Variants in CSTL1 observed in about 807,000 individuals in gnomAD.
The protein encoded by CSTL1 is cystatin like 1.
Under a neutral mutation model 14.4 loss-of-function variants are expected in CSTL1, and 14 were observed. That is an observed-to-expected ratio of 0.97 (90% CI 0.64 to 1.52). The LOEUF is 1.52. Ranked by LOEUF, CSTL1 falls within the 40% of genes most tolerant of loss-of-function variation. The probability of loss-of-function intolerance (pLI) is 0.00; values close to 1 mark genes in which losing one functional copy is unlikely to be tolerated. For synonymous variants in CSTL1, 72 were observed against 67.5 expected, an observed-to-expected ratio of 1.07 and a Z score of -0.33; for missense variants, 170 against 168.7, an observed-to-expected ratio of 1.01 and a Z score of -0.04.
downstream of CSTL1, chr20:23,444,977 A>G (rs921292377): frequency 5.2e-5 from 41 of 792,618 alleles, no homozygotes; most frequent in Middle Eastern, 1.7e-3. Context: ...ACACACATGC[A>G]CACACAGAGT....
chr20:23,443,770 C>T (rs1025612446), intron 2 of CSTL1, among the ~76,000 whole-genome samples, 164 bp from the exon 3 acceptor site: 1 of 152,188 alleles, frequency 6.6e-6, no homozygotes, highest in Non-Finnish European at 1.5e-5. Flanking sequence ...ATTGCCCTCC[C>T]TCCAGCCAGA....
chr20:23,457,629 G>A, the CSTL1 span: 1 of 151,960 alleles, frequency 6.6e-6, no homozygotes, highest in Non-Finnish European at 1.5e-5. Context: ...AAGAACAAAG[G>A]AATCTGTAAC....
the CSTL1 span, chr20:23,451,977 T>C: frequency 7.3e-7 from 1 of 1,368,830 alleles, no homozygotes; most frequent in Non-Finnish European, 1.0e-6. Flanking sequence ...CTGTCTGCGG[T>C]TTCTGTGCCT....
downstream of CSTL1, among the ~76,000 whole-genome samples, chr20:23,447,903 C>T (rs182239754): frequency 1.5e-4 from 23 of 152,250 alleles, no homozygotes; most frequent in African/African-American, 5.3e-4. Context: ...ATGTTACTTA[C>T]TTATCGATTT....
the CSTL1 span, among the ~76,000 whole-genome samples, chr20:23,456,507 GCTCCCAA>G: frequency 6.6e-6 from 1 of 152,108 alleles, no homozygotes; most frequent in African/African-American, 2.4e-5. Context: ...CAGCTGCTGT[GCTCCCAA>G]GCCTTGGCAG....
the CSTL1 span, chr20:23,457,768 C>T: frequency 1.3e-5 from 2 of 152,124 alleles, no homozygotes; most frequent in Admixed American, 6.5e-5. Flanking sequence ...AGAGGTGACT[C>T]CCATATAGTT....
Position 23,443,983 on chromosome 20 carries a change from A to G in CSTL1, c.269A>G (p.Lys90Arg), listed in dbSNP as rs1373766451. 1 of 1,614,204 alleles carries G rather than the reference A, an allele frequency of 6.2e-7. No homozygotes were observed. The highest frequency in any genetic ancestry group is 1.3e-5 in the African/African-American group (1 of 75,074). ...GTCACTGTGAAGATTGGCTGGACCAAATGCAAGAGGAATGACACGAGCAAT... is the reference window on the plus strand; with the variant it reads ...GTCACTGTGAAGATTGGCTGGACCAGATGCAAGAGGAATGACACGAGCAAT... ...YIVTVKIGWTKCKRNDTSNSS... is the reference protein window; with the variant it reads ...YIVTVKIGWTRCKRNDTSNSS... The change falls in exon 3 of 4, where the codon AAA (lysine) becomes AGA (arginine). Residue 90 changes from lysine (K) to arginine (R), a missense_variant. Physicochemically the swap from Lys to Arg is conservative, Grantham distance 26. Transcript: ENST00000347397.
At chr20:23,452,938 TC>T in the CSTL1 span, 1 of 651,628 alleles carries the variant, frequency 1.5e-6, no homozygotes, top group Non-Finnish European at 2.6e-6. Context: ...AGCTCTCCTC[TC>T]CTCCTCCTCC....
At chr20:23,447,465 T>TC, downstream of CSTL1, among the ~76,000 whole-genome samples, 2 of 145,586 alleles carry the variant, frequency 1.4e-5, no homozygotes, top group African/African-American at 5.6e-5. Context: ...TCTTTTCTTT[T>TC]TCTTTTTTTT....
At chr20:23,443,473 G>T (rs1048031744) in intron 2 of CSTL1, among the ~76,000 whole-genome samples, 1 of 151,522 alleles carries the variant, frequency 6.6e-6, no homozygotes, top group African/African-American at 2.4e-5. Context: ...AAATCAATTC[G>T]ATTCCAAAAC....
intron 3 of CSTL1, 43 bp from the exon 4 acceptor site, chr20:23,444,728 A>G: frequency 7.1e-7 from 1 of 1,413,538 alleles, no homozygotes; most frequent in Non-Finnish European, 1.0e-6. Context: ...CTTGCCTTTG[A>G]AAAATACTTC....
intron 2 of CSTL1, chr20:23,442,135 T>A (rs1461422598): frequency 2.0e-5 from 3 of 152,324 alleles, no homozygotes; most frequent in African/African-American, 4.8e-5. Flanking sequence ...GAGCATTTGA[T>A]GTCATTCACA....
chr20:23,451,318 G>A, the CSTL1 span, among the ~76,000 whole-genome samples: 1 of 152,116 alleles, frequency 6.6e-6, no homozygotes, highest in Admixed American at 6.6e-5. Context: ...CAGAGCACAC[G>A]CATGCAAGTT....
chr20:23,456,215 T>A, the CSTL1 span, among the ~76,000 whole-genome samples: 1 of 152,242 alleles, frequency 6.6e-6, no homozygotes, highest in Admixed American at 6.5e-5. Context: ...TTGTCCTCTG[T>A]GACTTTTCAA....
At chr20:23,444,068 A>C (rs760236269) in intron 3 of CSTL1, 24 bp downstream of exon 3, 2 of 1,585,974 alleles carry the variant, frequency 1.3e-6, no homozygotes, top group Non-Finnish European at 1.7e-6. Flanking sequence ...GTCATCCCAA[A>C]GGGACTTGTG....
At chr20:23,456,967 C>G in the CSTL1 span, among the ~76,000 whole-genome samples, 1 of 152,182 alleles carries the variant, frequency 6.6e-6, no homozygotes, top group Non-Finnish European at 1.5e-5. Context: ...TCCTAAGATC[C>G]TTAACTTAAT....
downstream of CSTL1, among the ~76,000 whole-genome samples, chr20:23,446,542 C>T (rs569804635): frequency 1.3e-5 from 2 of 152,210 alleles, no homozygotes; most frequent in South Asian, 4.1e-4. Flanking sequence ...AAGCGTGAGC[C>T]ACTGCGCCCA....
At chr20:23,447,778 T>C (rs943323885), downstream of CSTL1, among the ~76,000 whole-genome samples, 1 of 152,226 alleles carries the variant, frequency 6.6e-6, no homozygotes, top group Non-Finnish European at 1.5e-5. Flanking sequence ...TGTGTTTCTA[T>C]TGGATATATG....
Position 23,440,193 on chromosome 20 carries a change from A to C in CSTL1, c.-75A>C, listed in dbSNP as rs899406655. 3 of 1,484,188 alleles carry C rather than the reference A, an allele frequency of 2.0e-6. No homozygotes were observed. Among genetic ancestry groups the C allele is most frequent in the Non-Finnish European group, 2.8e-6 (3 of 1,068,386 alleles). 91.9% of individuals were successfully genotyped at this position (1,484,188 alleles called of 1,614,324 possible). A position where few individuals can be genotyped will look rare whatever the true frequency, so the allele number is the denominator to read the frequency against. On this transcript the variant is annotated 5_prime_UTR_variant, in exon 2 of 4. Coordinates refer to ENST00000347397, the MANE Select transcript of CSTL1 (RefSeq NM_138283.1). Reference sequence around the variant, plus strand: ...ATGTTGGTGAGGGTTATGATGGGAGAATGAGTGAACTGCAGCCTGGCACCA... The same window carrying C: ...ATGTTGGTGAGGGTTATGATGGGAGCATGAGTGAACTGCAGCCTGGCACCA...
Sources: allele counts gnomAD v4.1 joint callset (sites outside exome capture counted in the v4.1 genomes callset), GRCh38; gene constraint gnomAD v4.1.1; transcripts MANE v1.5; gene names NCBI Gene and HGNC (gene_info 2026-07-23, HGNC 2026-07-21).